The following KCNIP3 variants were observed in gnomAD, a reference collection of about 807,000 sequenced individuals.
KCNIP3 encodes the protein calsenilin.
KCNIP3 carries 28 observed loss-of-function variants against 35.0 expected under a neutral mutation model. That is an observed-to-expected ratio of 0.80 (90% confidence interval 0.59 to 1.10). KCNIP3 has a LOEUF of 1.10. KCNIP3 is among the 50% of genes least tolerant of loss of function. The pLI is 0.00. For missense variants in KCNIP3, 295 were observed against 338.4 expected (o/e 0.87, Z 1.01); for synonymous variants, 134 against 133.8 (o/e 1.00, Z -0.01).
intron 2 of KCNIP3, among the ~76,000 whole-genome samples, chr2:95,340,679 G>T (rs1679176016): frequency 6.6e-6 from 1 of 152,236 alleles, no homozygotes; most frequent in African/African-American, 2.4e-5. Flanking sequence ...GATGCCGGAA[G>T]AGACGGTTTC....
At chr2:95,370,953 G>C (rs1222389919) in intron 2 of KCNIP3, among the ~76,000 whole-genome samples, 1 of 151,596 alleles carries the variant, frequency 6.6e-6, no homozygotes, top group African/African-American at 2.4e-5. Context: ...ATTTTTAGTA[G>C]AGACAGGGTT....
intron 2 of KCNIP3, among the ~76,000 whole-genome samples, chr2:95,318,760 T>C (rs1678519301): frequency 6.6e-6 from 1 of 152,206 alleles, no homozygotes; most frequent in East Asian, 1.9e-4. Flanking sequence ...GGAGTGAGCA[T>C]CAGCAGCTTG....
chr2:95,379,197 G>C (rs1305495334), intron 5 of KCNIP3, among the ~76,000 whole-genome samples: 2 of 152,188 alleles, frequency 1.3e-5, no homozygotes. Flanking sequence ...CTTTCCAACA[G>C]ACTCTAGGCT....
chr2:95,329,783 C>T (rs1046828065), intron 2 of KCNIP3, among the ~76,000 whole-genome samples: 2 of 152,248 alleles, frequency 1.3e-5, no homozygotes, highest in African/African-American at 2.4e-5. Context: ...CCATTACGGC[C>T]ATTGATCGCC....
At chr2:95,301,558 C>T (rs1321607381) in intron 1 of KCNIP3, among the ~76,000 whole-genome samples, 1 of 152,218 alleles carries the variant, frequency 6.6e-6, no homozygotes, top group Non-Finnish European at 1.5e-5. Context: ...CACAGAACCC[C>T]CAGATAAATG....
intron 2 of KCNIP3, among the ~76,000 whole-genome samples, chr2:95,353,441 C>G (rs2104276092): frequency 6.6e-6 from 1 of 152,326 alleles, no homozygotes; most frequent in Admixed American, 6.5e-5. Context: ...GCATCCTGAC[C>G]CGCAGGCCCT....
At position 95,383,225 on chromosome 2, in the gene KCNIP3, G is replaced by A. The variant is rs1680393016; in HGVS notation, c.661-7G>A. On this transcript the variant is annotated splice_polypyrimidine_tract_variant and splice_region_variant and intron_variant, in intron 7 of 8. Coordinates refer to ENST00000295225, the MANE Select transcript of KCNIP3 (RefSeq NM_013434.5). Reference sequence around the variant, plus strand: ...CAGACTCACTTTGGGCATGGCTTGGGTTGCAGAAAATGGACCGGAACCAGG... The same window carrying A: ...CAGACTCACTTTGGGCATGGCTTGGATTGCAGAAAATGGACCGGAACCAGG... The A allele has an allele frequency of 6.2e-7, 1 of 1,613,390 alleles. No individual in the cohort carries two copies. Among genetic ancestry groups the A allele is most frequent in the Admixed American group, 1.7e-5 (1 of 59,950 alleles).
intron 2 of KCNIP3, among the ~76,000 whole-genome samples, chr2:95,321,997 C>T (rs1302495576): frequency 4.6e-5 from 7 of 152,174 alleles, no homozygotes; most frequent in Non-Finnish European, 7.3e-5. Flanking sequence ...CTCTGCCACT[C>T]ATAGCTCTGT....
chr2:95,357,325 G>A (rs1302062426), intron 2 of KCNIP3, among the ~76,000 whole-genome samples: 1 of 152,204 alleles, frequency 6.6e-6, no homozygotes, highest in Non-Finnish European at 1.5e-5. Context: ...GTAGTGACCT[G>A]AGCAGCAGAG....
Position 95,376,188 on chromosome 2 carries a change from A to G in KCNIP3, c.447+980A>G, listed in dbSNP as rs1331000534. 6.6e-6 allele frequency among the ~76,000 whole-genome samples: 1 copy of G among 152,202 alleles called. No individual in the cohort carries two copies. Among genetic ancestry groups the G allele is most frequent in the Non-Finnish European group, 1.5e-5 (1 of 68,036 alleles). On this transcript the variant is annotated intron_variant, in intron 5 of 8. Coordinates refer to ENST00000295225, the MANE Select transcript of KCNIP3 (RefSeq NM_013434.5). The surrounding 1 kb of genome is among the most constrained non-coding windows in gnomAD (Gnocchi z 4.2). Reference sequence around the variant, plus strand: ...GAAATACCAACCCCACAGCACACAGAAAACACCCGGTTAGCATGGAGGAGC... The same window carrying G: ...GAAATACCAACCCCACAGCACACAGGAAACACCCGGTTAGCATGGAGGAGC...
chr2:95,355,052 G>A (rs1167705074), intron 2 of KCNIP3: 2 of 152,264 alleles, frequency 1.3e-5, no homozygotes, highest in Non-Finnish European at 2.9e-5. Flanking sequence ...TCGTTTCATC[G>A]ACGAGGAAAC....
chr2:95,298,480 A>G (rs1677934562), intron 1 of KCNIP3, among the ~76,000 whole-genome samples: 1 of 152,196 alleles, frequency 6.6e-6, no homozygotes, highest in African/African-American at 2.4e-5. Context: ...AAAGAAGGGC[A>G]AAAGGACCCA....
At chr2:95,297,853 C>T (rs1677912806) in intron 1 of KCNIP3, among the ~76,000 whole-genome samples, 2 of 152,100 alleles carry the variant, frequency 1.3e-5, no homozygotes, top group African/African-American at 4.8e-5. Context: ...GAGCCCGGGC[C>T]CCACAGCCTT....
At chr2:95,356,121 T>A (rs1372061689) in intron 2 of KCNIP3, among the ~76,000 whole-genome samples, 1 of 152,252 alleles carries the variant, frequency 6.6e-6, no homozygotes, top group Non-Finnish European at 1.5e-5. Flanking sequence ...TTTTCGTGTG[T>A]CTGTTGGCTG....
At chr2:95,356,835 G>A (rs1031233933) in intron 2 of KCNIP3, among the ~76,000 whole-genome samples, 3 of 152,154 alleles carry the variant, frequency 2.0e-5, no homozygotes, top group African/African-American at 7.2e-5. Context: ...CTTCTTGCCC[G>A]AAATGACCCA....
chr2:95,320,100 G>A (rs1678555890), intron 2 of KCNIP3, among the ~76,000 whole-genome samples: 13 of 152,190 alleles, frequency 8.5e-5, no homozygotes, highest in Admixed American at 8.5e-4. Flanking sequence ...GGGAGCAGGG[G>A]TGAGGAGGCT....
At chr2:95,380,473 G>A (rs1449274381) in intron 5 of KCNIP3, among the ~76,000 whole-genome samples, 1 of 152,178 alleles carries the variant, frequency 6.6e-6, no homozygotes, top group African/African-American at 2.4e-5. Context: ...CACTTCGCTG[G>A]TACAGCCCCT....
chr2:95,325,107 G>T (rs1044956980), intron 2 of KCNIP3, among the ~76,000 whole-genome samples: 1 of 152,120 alleles, frequency 6.6e-6, no homozygotes, highest in Non-Finnish European at 1.5e-5. Flanking sequence ...TACTGGCTGG[G>T]CCCCTGCCAG....
chr2:95,298,897 T>C (rs1677948214), intron 1 of KCNIP3: 1 of 152,190 alleles, frequency 6.6e-6, no homozygotes, highest in Admixed American at 6.5e-5. Context: ...AGAGACACAT[T>C]GAGCGACCCT....
Sources: allele counts gnomAD v4.1 joint callset (sites outside exome capture counted in the v4.1 genomes callset), GRCh38; gene constraint gnomAD v4.1.1; non-coding constraint Gnocchi (gnomAD v3.1); transcripts MANE v1.5; gene names NCBI Gene and HGNC (gene_info 2026-07-23, HGNC 2026-07-21).